RBFOX1: variants seen among roughly 807,000 people sequenced by gnomAD.
The protein encoded by RBFOX1 is RNA binding fox-1 homolog 1.
A neutral mutation model predicts 57.7 loss-of-function variants in RBFOX1; 8 were observed. The ratio of observed to expected loss-of-function variants is 0.14; its 90% CI spans 0.08 to 0.25. The LOEUF is 0.25. Ranked by LOEUF, RBFOX1 falls within the 10% of genes least tolerant of loss-of-function variation. The pLI, the probability that RBFOX1 is intolerant of heterozygous loss-of-function variation, is 1.00. For synonymous variants in RBFOX1, 326 were observed against 222.4 expected, an observed-to-expected ratio of 1.47 and a Z score of -4.15; for missense variants, 611 against 548.5, an observed-to-expected ratio of 1.11 and a Z score of -1.14.
chr16:6,044,564 T>A (rs1160177799), intron 1 of RBFOX1, among the ~76,000 whole-genome samples: 1 of 152,088 alleles, frequency 6.6e-6, no homozygotes, highest in Non-Finnish European at 1.5e-5. Flanking sequence ...TTCAAAACAT[T>A]GGCATTCCAC....
intron 3 of RBFOX1, among the ~76,000 whole-genome samples, chr16:6,786,023 A>G (rs1431314101): frequency 1.3e-5 from 2 of 152,204 alleles, no homozygotes; most frequent in Non-Finnish European, 2.9e-5. Context: ...GAGCTTAGAG[A>G]CACACACAAA....
chr16:7,141,523 T>C (rs1356024129), intron 4 of RBFOX1, among the ~76,000 whole-genome samples: 3 of 152,176 alleles, frequency 2.0e-5, no homozygotes, highest in Admixed American at 2.0e-4. Context: ...CTAGAGTGCA[T>C]CAAGGATCAT....
At chr16:5,639,399 C>T (rs527460778) in intron 3 of RBFOX1, among the ~76,000 whole-genome samples, 7 of 152,224 alleles carry the variant, frequency 4.6e-5, no homozygotes, top group African/African-American at 1.2e-4. Flanking sequence ...TTTTGGATTA[C>T]TTGTCAATGT....
intron 3 of RBFOX1, among the ~76,000 whole-genome samples, chr16:6,712,871 A>G (rs951104319): frequency 9.1e-5 from 13 of 142,508 alleles, no homozygotes; most frequent in African/African-American, 2.9e-4. Flanking sequence ...GAGGTAATTG[A>G]ATCATGGGGG....
chr16:5,321,658 A>G (rs7204586), intron 1 of RBFOX1, among the ~76,000 whole-genome samples: 152,015 of 152,288 alleles, frequency 1, 75,873 homozygotes, highest in Non-Finnish European at 1. Context: ...TGGGTGGGTG[A>G]TTCTGCAGTA....
At chr16:7,520,835 A>G (rs759629621) in intron 5 of RBFOX1, among the ~76,000 whole-genome samples, 8 of 152,340 alleles carry the variant, frequency 5.3e-5, no homozygotes, top group Non-Finnish European at 8.8e-5. Flanking sequence ...AAAAGATCCA[A>G]TCAGACATTA....
intron 2 of RBFOX1, among the ~76,000 whole-genome samples, chr16:6,583,706 G>A (rs1284719862): frequency 6.6e-6 from 1 of 152,190 alleles, no homozygotes; most frequent in Non-Finnish European, 1.5e-5. Flanking sequence ...AAACTGAACT[G>A]AAGTAGTAAC....
chr16:6,600,892 A>G (rs1467989928), intron 2 of RBFOX1, among the ~76,000 whole-genome samples: 1 of 152,242 alleles, frequency 6.6e-6, no homozygotes, highest in Non-Finnish European at 1.5e-5. Flanking sequence ...AGATCTATGA[A>G]AAAGCCTCTA....
chr16:5,969,702 T>C (rs932546507), intron 4 of RBFOX1, among the ~76,000 whole-genome samples: 1 of 152,072 alleles, frequency 6.6e-6, no homozygotes, highest in Non-Finnish European at 1.5e-5. Context: ...CCCTCTTTTG[T>C]TGTTTTTGCT....
At chr16:7,108,544 G>C (rs748215567) in intron 4 of RBFOX1, among the ~76,000 whole-genome samples, 7 of 152,148 alleles carry the variant, frequency 4.6e-5, no homozygotes, top group Non-Finnish European at 8.8e-5. Flanking sequence ...GGTGCAGAAG[G>C]TGATTCTGTA....
chr16:7,264,147 A>G (rs2095039081), intron 4 of RBFOX1, among the ~76,000 whole-genome samples: 1 of 152,174 alleles, frequency 6.6e-6, no homozygotes, highest in Non-Finnish European at 1.5e-5. Flanking sequence ...GGAAGCTTAT[A>G]AACTGATGTG....
chr16:7,465,179 A>G (rs944678135), intron 4 of RBFOX1, among the ~76,000 whole-genome samples: 9 of 152,102 alleles, frequency 5.9e-5, no homozygotes, highest in African/African-American at 1.7e-4. Flanking sequence ...TCCTTTTGAC[A>G]TTCTTTACAA....
chr16:6,779,861 TTATATATTTA>T lies in RBFOX1; in HGVS notation c.-16+125257_-16+125266del, dbSNP rs1208080510. Among the ~76,000 whole-genome samples the T allele has an allele frequency of 3.0e-3, 52 of 17,130 alleles. 12 individuals carry two copies. The highest frequency in any genetic ancestry group is 8.2e-3 in the Admixed American group (6 of 736). 11.2% of individuals were successfully genotyped at this position (17,130 alleles called of 152,430 possible). On this transcript the variant is annotated intron_variant, in intron 3 of 15. Coordinates refer to ENST00000550418, the MANE Select transcript of RBFOX1 (RefSeq NM_018723.4). The stretch of plus-strand genomic sequence containing the variant: ...TATTTATATATATATTTATATATAT[TTATATATTTA>T]TATATATTTATATATATTTATATAT...
chr16:6,707,667 T>C (rs901260153), intron 3 of RBFOX1, among the ~76,000 whole-genome samples: 1 of 152,038 alleles, frequency 6.6e-6, no homozygotes, highest in Non-Finnish European at 1.5e-5. Context: ...GCATGTACAT[T>C]TACAAGCCCA....
intron 4 of RBFOX1, among the ~76,000 whole-genome samples, chr16:5,977,103 C>G (rs771990157): frequency 7.6e-4 from 115 of 152,132 alleles, no homozygotes; most frequent in Non-Finnish European, 8.5e-4. Flanking sequence ...GGCAAGTCTT[C>G]TGGGTAATTT....
chr16:6,484,447 C>A (rs927510241), intron 2 of RBFOX1, among the ~76,000 whole-genome samples: 1 of 96,872 alleles, frequency 1.0e-5, no homozygotes, highest in Non-Finnish European at 3.0e-5. Flanking sequence ...GAAATAAGCT[C>A]TGTACCATTT....
chr16:6,911,201 T>C (rs2071494082), intron 3 of RBFOX1, among the ~76,000 whole-genome samples: 1 of 53,398 alleles, frequency 1.9e-5, no homozygotes. Context: ...AAATTGTGTC[T>C]CAAAAAAAAA....
intron 4 of RBFOX1, among the ~76,000 whole-genome samples, chr16:7,517,490 G>T (rs889828574): frequency 6.6e-6 from 1 of 151,652 alleles, no homozygotes; most frequent in African/African-American, 2.4e-5. Context: ...ATTAGGCCCT[G>T]AATTTGTATC....
intron 4 of RBFOX1, among the ~76,000 whole-genome samples, chr16:7,339,030 T>A (rs1162789873): frequency 6.6e-6 from 1 of 152,174 alleles, no homozygotes; most frequent in Non-Finnish European, 1.5e-5. Flanking sequence ...AGAGGCCATG[T>A]CAACAGCGGA....
Sources: gnomAD v4.1 joint callset for allele counts (sites outside exome capture counted in the v4.1 genomes callset) on GRCh38, gnomAD v4.1.1 for gene constraint, MANE v1.5 for transcripts, NCBI Gene and HGNC (gene_info 2026-07-23, HGNC 2026-07-21) for gene names.